SMARCAL1: variants seen among roughly 807,000 people sequenced by gnomAD.
SMARCAL1 encodes the protein ATP-driven annealing helicase.
SMARCAL1 carries 58 observed loss-of-function variants against 94.5 expected under a neutral mutation model. That is an observed-to-expected ratio of 0.61 (90% CI 0.50 to 0.76). The LOEUF (loss-of-function observed/expected upper bound fraction) is 0.76. Among genes scored for constraint, SMARCAL1 ranks in the 30% least tolerant of loss-of-function variants. The pLI is 0.00. For synonymous variants in SMARCAL1, 422 were observed against 455.1 expected, an observed-to-expected ratio of 0.93 and a Z score of 0.93; for missense variants, 1,051 against 1,177.9, an observed-to-expected ratio of 0.89 and a Z score of 1.58.
chr2:216,467,116 G>A (rs1014369559), intron 13 of SMARCAL1, among the ~76,000 whole-genome samples: 1 of 152,166 alleles, frequency 6.6e-6, no homozygotes, highest in Non-Finnish European at 1.5e-5. Flanking sequence ...CTGTTAACCT[G>A]GTGACTTCCC....
intron 9 of SMARCAL1, 52 bp downstream of exon 9, chr2:216,435,548 T>G (rs753328398): frequency 1.3e-5 from 20 of 1,516,400 alleles, no homozygotes; most frequent in Admixed American, 3.3e-5. Context: ...GAAACTTTCT[T>G]TGTAAAAGCT....
At chr2:216,466,538 T>C (rs1175960991) in intron 13 of SMARCAL1, among the ~76,000 whole-genome samples, 1 of 152,062 alleles carries the variant, frequency 6.6e-6, no homozygotes, top group Non-Finnish European at 1.5e-5. Context: ...TTTTTTGCTG[T>C]TGTTTGTTTT....
intron 7 of SMARCAL1, 22 bp from the exon 8 acceptor site, chr2:216,432,696 T>G (rs543008833): frequency 3.7e-6 from 6 of 1,613,972 alleles, no homozygotes; most frequent in Non-Finnish European, 5.1e-6. Flanking sequence ...AAATGTGCCA[T>G]CCTCACCTTG....
chr2:216,481,575 C>T (rs1372134276), intron 17 of SMARCAL1, among the ~76,000 whole-genome samples: 2 of 151,980 alleles, frequency 1.3e-5, no homozygotes, highest in Non-Finnish European at 2.9e-5. Context: ...GTGATGATGG[C>T]TCACTGCAAC....
At position 216,447,002 on chromosome 2, in the gene SMARCAL1, G is replaced by A; in HGVS notation, c.1711-16G>A. On this transcript the variant is annotated splice_polypyrimidine_tract_variant and intron_variant, in intron 10 of 17. Coordinates refer to ENST00000357276, the MANE Select transcript of SMARCAL1 (RefSeq NM_014140.4). Reference sequence around the variant, plus strand: ...CCTCCCTGTGTTCAGAGCACCTTTGGCTGTTTGTCTTTTAGGTTGCCAAGA... The same window carrying A: ...CCTCCCTGTGTTCAGAGCACCTTTGACTGTTTGTCTTTTAGGTTGCCAAGA... The A allele has an allele frequency of 6.2e-7, 1 of 1,613,892 alleles. No homozygotes were observed. The highest frequency in any genetic ancestry group is 1.1e-5 in the South Asian group (1 of 91,068).
intron 10 of SMARCAL1, among the ~76,000 whole-genome samples, chr2:216,441,897 C>G (rs1479723898): frequency 6.6e-6 from 1 of 152,128 alleles, no homozygotes; most frequent in Non-Finnish European, 1.5e-5. Context: ...CTTTTGTCTA[C>G]ACTGGCTTTT....
intron 6 of SMARCAL1, among the ~76,000 whole-genome samples, chr2:216,425,915 C>T (rs1693823838): frequency 6.6e-6 from 1 of 152,226 alleles, no homozygotes; most frequent in Non-Finnish European, 1.5e-5. Context: ...TTCAGTCTGT[C>T]TTTGGCTTAA....
At chr2:216,433,556 T>C (rs484375) in intron 8 of SMARCAL1, among the ~76,000 whole-genome samples, 73,193 of 151,944 alleles carry the variant, frequency 0.48, 20,512 homozygotes, top group African/African-American at 0.79. Context: ...TGTGGCATCT[T>C]CTGACTTCCC....
At chr2:216,460,918 A>T (rs1694683160) in intron 12 of SMARCAL1, among the ~76,000 whole-genome samples, 1 of 152,212 alleles carries the variant, frequency 6.6e-6, no homozygotes, top group Non-Finnish European at 1.5e-5. Flanking sequence ...TTTTTGGGTC[A>T]ACTGGGGGAA....
chr2:216,482,188 C>G lies in SMARCAL1; in HGVS notation c.2626-550C>G, dbSNP rs767984463. 6.6e-6 allele frequency among the ~76,000 whole-genome samples: 1 copy of G among 152,134 alleles called. No homozygotes were observed. Among genetic ancestry groups the G allele is most frequent in the Non-Finnish European group, 1.5e-5 (1 of 68,016 alleles). On this transcript the variant is annotated intron_variant, in intron 17 of 17. Coordinates refer to ENST00000357276, the MANE Select transcript of SMARCAL1 (RefSeq NM_014140.4). The surrounding 1 kb of genome is among the most constrained non-coding windows in gnomAD (Gnocchi z 4.3). ...TTGGGGGGCTGGGCACATGGTGGCT[C>G]ACACCTGTAATCCCAACATTTTGGG...
At chr2:216,416,910 G>A (rs938849654) in intron 4 of SMARCAL1, among the ~76,000 whole-genome samples, 3 of 152,306 alleles carry the variant, frequency 2.0e-5, no homozygotes, top group East Asian at 3.9e-4. Flanking sequence ...ACCTGGTTAC[G>A]TCCCTCTGTC....
chr2:216,452,184 T>C (rs948002637), intron 12 of SMARCAL1, among the ~76,000 whole-genome samples: 1 of 152,154 alleles, frequency 6.6e-6, no homozygotes, highest in Non-Finnish European at 1.5e-5. Flanking sequence ...AACATCGATG[T>C]AGACATATAG....
chr2:216,452,879 GT>G (rs1694480481), intron 12 of SMARCAL1, among the ~76,000 whole-genome samples: 1 of 152,148 alleles, frequency 6.6e-6, no homozygotes, highest in East Asian at 1.9e-4. Flanking sequence ...TTCTGAGCTT[GT>G]TGGTGATGCT....
At chr2:216,412,780 C>G (rs1161133456) in intron 1 of SMARCAL1, 132 bp downstream of exon 1, 1 of 152,456 alleles carries the variant, frequency 6.6e-6, no homozygotes, top group African/African-American at 2.4e-5. Flanking sequence ...GGCGTGGCGC[C>G]CGCTTACCTT....
intron 14 of SMARCAL1, among the ~76,000 whole-genome samples, chr2:216,471,629 C>T (rs575157215): frequency 4.0e-4 from 61 of 152,314 alleles, no homozygotes; most frequent in Admixed American, 2.9e-3. Flanking sequence ...GCTAAGATTA[C>T]AGGCGTGAGC....
At chr2:216,472,830 C>A (rs956303408) in intron 14 of SMARCAL1, among the ~76,000 whole-genome samples, 1 of 151,976 alleles carries the variant, frequency 6.6e-6, no homozygotes, top group Admixed American at 6.6e-5. Flanking sequence ...TAAAAATGTG[C>A]GGTGCTCACT....
intron 17 of SMARCAL1, among the ~76,000 whole-genome samples, chr2:216,481,017 A>G (rs1378512431): frequency 1.3e-5 from 2 of 152,068 alleles, no homozygotes; most frequent in African/African-American, 4.8e-5. Flanking sequence ...TGAAGGAGAG[A>G]GGAGGGAACT....
intron 12 of SMARCAL1, among the ~76,000 whole-genome samples, chr2:216,454,315 A>G (rs6748855): frequency 0.023 from 3,526 of 152,312 alleles, 139 homozygotes; most frequent in African/African-American, 0.078. Flanking sequence ...CCACATTAAA[A>G]TAGATATCTA....
Position 216,433,156 on chromosome 2 carries a change from T to C in SMARCAL1, c.1485+288T>C, listed in dbSNP as rs16856111. Among the ~76,000 whole-genome samples the C allele has an allele frequency of 7.9e-3, 1,204 of 152,304 alleles. 17 individuals are homozygous for C. The highest frequency in any genetic ancestry group is 0.027 in the African/African-American group (1,143 of 41,572). On this transcript the variant is annotated intron_variant, in intron 8 of 17. Transcript: ENST00000357276. ...CCTCTGTGCCCTGCTAATAATACTT[T>C]TCATCTGTACCACACTTAATTTTTT...
Sources: gnomAD v4.1 joint callset for allele counts (sites outside exome capture counted in the v4.1 genomes callset) on GRCh38, gnomAD v4.1.1 for gene constraint, Gnocchi (gnomAD v3.1) non-coding constraint, MANE v1.5 for transcripts, NCBI Gene and HGNC (gene_info 2026-07-23, HGNC 2026-07-21) for gene names.